The following PRKG1 variants were observed in gnomAD, a reference collection of about 807,000 sequenced individuals.
PRKG1 encodes the protein protein kinase cGMP-dependent 1, also known as cGMP-dependent protein kinase 1.
PRKG1 carries 35 observed loss-of-function variants against 88.1 expected under a neutral mutation model. The observed-to-expected ratio is 0.40, with a 90% CI of 0.30 to 0.53. The LOEUF (loss-of-function observed/expected upper bound fraction) is 0.53. PRKG1 is among the 20% of genes least tolerant of loss of function. The pLI, the probability that PRKG1 is intolerant of heterozygous loss-of-function variation, is 0.59. For synonymous variants in PRKG1, 303 were observed against 292.5 expected (o/e 1.04, Z -0.37); for missense variants, 540 against 839.8 (o/e 0.64, Z 4.41).
chr10:51,298,918 T>C (rs993531270), intron 2 of PRKG1, among the ~76,000 whole-genome samples: 4 of 152,164 alleles, frequency 2.6e-5, no homozygotes, highest in African/African-American at 9.7e-5. Context: ...AAAGATCATA[T>C]GGTTGCATAA....
chr10:51,545,332 C>T (rs1842420394), intron 3 of PRKG1, among the ~76,000 whole-genome samples: 1 of 152,002 alleles, frequency 6.6e-6, no homozygotes. Context: ...GCAGTTATGC[C>T]ATGTGTTACT....
intron 7 of PRKG1, among the ~76,000 whole-genome samples, chr10:52,079,087 G>A (rs759331726): frequency 6.6e-6 from 1 of 152,144 alleles, no homozygotes; most frequent in African/African-American, 2.4e-5. Context: ...ACATTTACCT[G>A]GTCACCCAGG....
chr10:51,310,518 AAG>A, intron 2 of PRKG1, among the ~76,000 whole-genome samples: 1 of 152,292 alleles, frequency 6.6e-6, no homozygotes, highest in South Asian at 2.1e-4. Flanking sequence ...GAGATTCAGG[AAG>A]AGTTCATGGA....
intron 4 of PRKG1, among the ~76,000 whole-genome samples, chr10:51,894,751 T>C (rs977725067): frequency 2.6e-5 from 4 of 152,228 alleles, no homozygotes; most frequent in African/African-American, 9.6e-5. Flanking sequence ...AGATATAGTG[T>C]AGTTTTAGAA....
chr10:52,130,139 A>G (rs1837215952), intron 7 of PRKG1, among the ~76,000 whole-genome samples: 1 of 152,194 alleles, frequency 6.6e-6, no homozygotes, highest in East Asian at 1.9e-4. Context: ...ATTATAATTT[A>G]TTGTTTAATA....
intron 9 of PRKG1, among the ~76,000 whole-genome samples, chr10:52,220,856 C>A (rs1303999446): frequency 6.6e-6 from 1 of 151,956 alleles, no homozygotes; most frequent in Non-Finnish European, 1.5e-5. Context: ...TTTGCTATTG[C>A]GAATAGTGCT....
intron 3 of PRKG1, among the ~76,000 whole-genome samples, chr10:51,721,600 G>T (rs986168417): frequency 1.3e-5 from 2 of 152,120 alleles, no homozygotes. Context: ...GTATAAGGAG[G>T]CTCTCTTTAG....
chr10:51,155,735 A>C (rs1846192141), intron 2 of PRKG1, among the ~76,000 whole-genome samples: 1 of 151,984 alleles, frequency 6.6e-6, no homozygotes, highest in Non-Finnish European at 1.5e-5. Flanking sequence ...CTGCAATTCG[A>C]GTCTGAAAGC....
chr10:52,109,195 A>G (rs1847497889), intron 7 of PRKG1, among the ~76,000 whole-genome samples: 1 of 152,160 alleles, frequency 6.6e-6, no homozygotes, highest in Admixed American at 6.5e-5. Flanking sequence ...GGGAGTGGCT[A>G]GGAATATAAC....
At chr10:51,758,668 G>C (rs766988528) in intron 3 of PRKG1, among the ~76,000 whole-genome samples, 2 of 151,982 alleles carry the variant, frequency 1.3e-5, no homozygotes, top group Admixed American at 1.3e-4. Flanking sequence ...CTCTACCCAG[G>C]CCTGTGATTT....
chr10:51,364,032 C>G (rs1213227917), intron 2 of PRKG1, among the ~76,000 whole-genome samples: 1 of 151,894 alleles, frequency 6.6e-6, no homozygotes, highest in Non-Finnish European at 1.5e-5. Context: ...AAACACTGAC[C>G]TCTCTTTTCC....
At chr10:51,119,445 A>G (rs1030826547) in intron 1 of PRKG1, among the ~76,000 whole-genome samples, 1 of 152,054 alleles carries the variant, frequency 6.6e-6, no homozygotes, top group Non-Finnish European at 1.5e-5. Flanking sequence ...AAAAATACAC[A>G]TTTTAGACTC....
chr10:51,316,232 A>G (rs1255459536), intron 2 of PRKG1, among the ~76,000 whole-genome samples: 1 of 152,210 alleles, frequency 6.6e-6, no homozygotes. Flanking sequence ...GAGCTAATAT[A>G]TGAGATACTA....
intron 5 of PRKG1, among the ~76,000 whole-genome samples, chr10:52,044,584 TGTTGTA>T (rs1402093035): frequency 2.0e-5 from 3 of 152,310 alleles, no homozygotes; most frequent in Non-Finnish European, 4.4e-5. Flanking sequence ...AAGTGTTGTT[TGTTGTA>T]GTAAGGAATA....
At position 51,769,828 on chromosome 10, in the gene PRKG1, C is replaced by G. The variant is rs1003761530; in HGVS notation, c.593-34757C>G. ...TGGGCCACACATAAAATACACAACA[C>G]TAACAATAGCTGATGAGGGGAAAAA... On this transcript the variant is annotated intron_variant, in intron 3 of 17. Transcript: ENST00000373980. Among the ~76,000 whole-genome samples, 6 of 152,154 alleles carry G rather than the reference C, an allele frequency of 3.9e-5. No individual in the cohort carries two copies. The East Asian group carries it at 1.2e-3, about 29-fold the overall frequency.
At chr10:51,362,106 T>A (rs1842493843) in intron 2 of PRKG1, among the ~76,000 whole-genome samples, 1 of 151,878 alleles carries the variant, frequency 6.6e-6, no homozygotes, top group Non-Finnish European at 1.5e-5. Flanking sequence ...TTAATTGGCA[T>A]GCAACTGAAA....
rs572824424 is a variant in PRKG1 at position 52,215,265 on chromosome 10, G to A, written c.1077-36305G>A. On this transcript the variant is annotated intron_variant, in intron 9 of 17. Transcript: ENST00000373980. ...AAAAATTAGCCGGGCATGGTGGTGG[G>A]CACCTGTAATCCCAGCTACTTGGGA... Among the ~76,000 whole-genome samples the A allele has an allele frequency of 5.3e-5, 8 of 151,898 alleles. No homozygotes were observed. In the South Asian group the frequency reaches 1.7e-3, roughly 32 times the overall value.
intron 1 of PRKG1, chr10:51,148,362 A>T (rs1329388506): frequency 1.5e-6 from 1 of 665,352 alleles, no homozygotes; most frequent in Non-Finnish European, 1.9e-6. Context: ...TTGGTTAAAA[A>T]TTTTTATTAT....
intron 3 of PRKG1, among the ~76,000 whole-genome samples, chr10:51,640,845 G>T (rs933391986): frequency 8.5e-5 from 12 of 140,486 alleles, no homozygotes; most frequent in African/African-American, 3.0e-4. Flanking sequence ...TTTATGTTTG[G>T]TCAGAATAAA....
Sources: allele counts gnomAD v4.1 joint callset (sites outside exome capture counted in the v4.1 genomes callset), GRCh38; gene constraint gnomAD v4.1.1; transcripts MANE v1.5; gene names NCBI Gene and HGNC (gene_info 2026-07-23, HGNC 2026-07-21).